MBOAT1: variants seen among roughly 807,000 people sequenced by gnomAD.
MBOAT1 encodes the protein membrane bound glycerophospholipid O-acyltransferase 1.
Under a neutral mutation model 64.4 loss-of-function variants are expected in MBOAT1, and 67 were observed. The ratio of observed to expected loss-of-function variants is 1.04; its 90% CI spans 0.85 to 1.27. MBOAT1 has a LOEUF of 1.27. Ranked by LOEUF, MBOAT1 falls within the 50% of genes most tolerant of loss-of-function variation. The pLI is 0.00. For synonymous variants in MBOAT1, 229 were observed against 218.9 expected (o/e 1.05, Z -0.41); for missense variants, 563 against 604.6 (o/e 0.93, Z 0.72).
At chr6:20,121,209 CAT>C (rs1366845216) in intron 8 of MBOAT1, among the ~76,000 whole-genome samples, 1 of 152,182 alleles carries the variant, frequency 6.6e-6, no homozygotes, top group Non-Finnish European at 1.5e-5. Flanking sequence ...AATTTATAAT[CAT>C]GTGTAATTAG....
intron 1 of MBOAT1, among the ~76,000 whole-genome samples, chr6:20,160,125 G>GT (rs1241690394): frequency 1.3e-5 from 2 of 152,158 alleles, no homozygotes; most frequent in Non-Finnish European, 2.9e-5. Context: ...ACATGCCCAA[G>GT]TGTTTGACTT....
intron 1 of MBOAT1, among the ~76,000 whole-genome samples, chr6:20,171,992 C>A (rs1486902077): frequency 1.3e-5 from 2 of 151,946 alleles, no homozygotes; most frequent in African/African-American, 4.8e-5. Context: ...ATGATCACAC[C>A]ACTGTACTCT....
At chr6:20,146,557 A>G (rs1761331062) in intron 3 of MBOAT1, among the ~76,000 whole-genome samples, 1 of 152,234 alleles carries the variant, frequency 6.6e-6, no homozygotes, top group Non-Finnish European at 1.5e-5. Flanking sequence ...AGGCCTTGTC[A>G]TCTCCAGCAA....
At chr6:20,105,982 C>G (rs548524645) in intron 12 of MBOAT1, among the ~76,000 whole-genome samples, 1 of 152,316 alleles carries the variant, frequency 6.6e-6, no homozygotes, top group East Asian at 1.9e-4. Context: ...AGGCTGAGAT[C>G]TGAAGCCACT....
At chr6:20,207,857 G>C (rs12174217) in intron 1 of MBOAT1, among the ~76,000 whole-genome samples, 39,871 of 152,148 alleles carry the variant, frequency 0.26, 6,320 homozygotes, top group Non-Finnish European at 0.36. Flanking sequence ...CAGTGCCTAC[G>C]CAGGTCTGTG....
Position 20,131,199 on chromosome 6 carries a change from C to A in MBOAT1, c.420G>T (p.Gly140=). 1 of 1,613,524 alleles carries A rather than the reference C, an allele frequency of 6.2e-7. No individual in the cohort carries two copies. Among genetic ancestry groups the A allele is most frequent in the East Asian group, 2.2e-5 (1 of 44,876 alleles). The change falls in exon 5 of 13, where the codon GGG becomes GGT. Residue 140 remains glycine, a splice_region_variant and synonymous_variant. Coordinates refer to ENST00000324607, the MANE Select transcript of MBOAT1 (RefSeq NM_001080480.3). ...HYGILTTDFS[G]PLMIVTQKIT... ...TCTTCTGAGTGACAATCATCAGAGG[C>A]CTGGAAGGAAGACAGAAAATAATCA...
chr6:20,135,233 A>T (rs1310551853), intron 4 of MBOAT1, among the ~76,000 whole-genome samples: 1 of 152,176 alleles, frequency 6.6e-6, no homozygotes, highest in Non-Finnish European at 1.5e-5. Context: ...AAAAAAGCCA[A>T]AGAAAAATCT....
chr6:20,131,317 G>A (rs1429764988), intron 4 of MBOAT1, 118 bp from the exon 5 acceptor site: 1 of 881,862 alleles, frequency 1.1e-6, no homozygotes, highest in African/African-American at 1.7e-5. Flanking sequence ...CATGTCGTGG[G>A]AGGGACCAAA....
At chr6:20,194,528 G>A (rs754753203) in intron 1 of MBOAT1, among the ~76,000 whole-genome samples, 2 of 152,186 alleles carry the variant, frequency 1.3e-5, no homozygotes, top group Admixed American at 6.5e-5. Flanking sequence ...GGGGTTAAGG[G>A]TTATGGGTTT....
At chr6:20,165,205 G>T (rs1761980302) in intron 1 of MBOAT1, among the ~76,000 whole-genome samples, 1 of 152,162 alleles carries the variant, frequency 6.6e-6, no homozygotes, top group Non-Finnish European at 1.5e-5. Flanking sequence ...CATTTTGTGG[G>T]TAAGGAAACC....
intron 4 of MBOAT1, among the ~76,000 whole-genome samples, chr6:20,141,359 C>CTTTTTTTTTTTTTTTTTTTTTTTTT (rs755615744): frequency 1.0e-5 from 1 of 99,810 alleles, no homozygotes; most frequent in African/African-American, 3.3e-5. Flanking sequence ...TTTTCTTTTT[C>CTTTTTTTTTTTTTTTTTTTTTTTTT]TTTTTTTTTT....
chr6:20,172,916 G>C (rs1019441606), intron 1 of MBOAT1, among the ~76,000 whole-genome samples: 1 of 151,890 alleles, frequency 6.6e-6, no homozygotes, highest in African/African-American at 2.4e-5. Context: ...GGGCCTGGTG[G>C]GAGGTGGCTG....
At chr6:20,111,705 G>A (rs1360320853) in intron 11 of MBOAT1, among the ~76,000 whole-genome samples, 3 of 150,800 alleles carry the variant, frequency 2.0e-5, no homozygotes, top group Admixed American at 6.7e-5. Context: ...ATGAACAGGA[G>A]AGAAGAAAAT....
intron 1 of MBOAT1, among the ~76,000 whole-genome samples, chr6:20,187,828 C>T (rs1762697771): frequency 6.6e-6 from 1 of 152,126 alleles, no homozygotes; most frequent in African/African-American, 2.4e-5. Flanking sequence ...CCCATCTCTA[C>T]AAAGAATACA....
intron 7 of MBOAT1, among the ~76,000 whole-genome samples, chr6:20,125,081 A>G (rs1292161239): frequency 6.6e-6 from 1 of 152,140 alleles, no homozygotes; most frequent in African/African-American, 2.4e-5. Flanking sequence ...CAGCCAGGAC[A>G]TGGGCAGGTA....
intron 9 of MBOAT1, among the ~76,000 whole-genome samples, chr6:20,116,531 G>A (rs1349322841): frequency 2.0e-5 from 3 of 152,032 alleles, no homozygotes; most frequent in Non-Finnish European, 2.9e-5. Flanking sequence ...AGAGAAAAGT[G>A]GGAGGAAGGA....
At chr6:20,132,103 G>A (rs556028994) in intron 4 of MBOAT1, among the ~76,000 whole-genome samples, 2 of 151,762 alleles carry the variant, frequency 1.3e-5, no homozygotes, top group Admixed American at 6.6e-5. Flanking sequence ...AGCTGGTCTC[G>A]AACATGAGCT....
chr6:20,182,537 T>TCC (rs1762539967), intron 1 of MBOAT1, among the ~76,000 whole-genome samples: 2 of 152,154 alleles, frequency 1.3e-5, no homozygotes, highest in Admixed American at 1.3e-4. Context: ...CTCTATTCTC[T>TCC]CCCTCAGTCT....
At chr6:20,111,061 C>T (rs1397237916) in intron 11 of MBOAT1, among the ~76,000 whole-genome samples, 1 of 152,180 alleles carries the variant, frequency 6.6e-6, no homozygotes, top group African/African-American at 2.4e-5. Context: ...ATTATGTTAG[C>T]ATCATGATTC....
Sources: gnomAD v4.1 joint callset for allele counts (sites outside exome capture counted in the v4.1 genomes callset) on GRCh38, gnomAD v4.1.1 for gene constraint, MANE v1.5 for transcripts, NCBI Gene and HGNC (gene_info 2026-07-23, HGNC 2026-07-21) for gene names.